The following NPHP1 variants were observed in gnomAD, a reference collection of about 807,000 sequenced individuals.
NPHP1 encodes nephrocystin 1.
Under a neutral mutation model 90.4 loss-of-function variants are expected in NPHP1, and 70 were observed. That is an observed-to-expected ratio of 0.77 (90% CI 0.64 to 0.95). The LOEUF (loss-of-function observed/expected upper bound fraction) is 0.95, where lower values mean the gene tolerates loss of function less well. NPHP1 is among the 40% of genes least tolerant of loss of function. The pLI, the probability that NPHP1 is intolerant of heterozygous loss-of-function variation, is 0.00. For synonymous variants in NPHP1, 256 were observed against 271.7 expected (o/e 0.94, Z 0.57); for missense variants, 764 against 795.9 (o/e 0.96, Z 0.48).
At chr2:110,176,745 C>G (rs1021859802) in intron 4 of NPHP1, among the ~76,000 whole-genome samples, 1 of 152,166 alleles carries the variant, frequency 6.6e-6, no homozygotes, top group Non-Finnish European at 1.5e-5. Flanking sequence ...CCTGGGCCTT[C>G]TGTGTCCTCT....
intron 15 of NPHP1, chr2:110,144,193 G>A (rs1462722646): frequency 4.9e-6 from 2 of 405,306 alleles, no homozygotes; most frequent in East Asian, 1.0e-4. Flanking sequence ...TGCATCCTTT[G>A]ACCCAGCAAT....
chr2:110,152,332 T>C (rs1681537339), intron 11 of NPHP1, among the ~76,000 whole-genome samples: 2 of 151,880 alleles, frequency 1.3e-5, no homozygotes, highest in Non-Finnish European at 2.9e-5. Context: ...TCAACCAGTT[T>C]ATGCTTCAAC....
chr2:110,135,334 G>A (rs761555615), intron 16 of NPHP1, among the ~76,000 whole-genome samples: 9 of 151,290 alleles, frequency 5.9e-5, no homozygotes, highest in Middle Eastern at 3.4e-3. Flanking sequence ...AAAATTAGCT[G>A]GGCGTGTTGG....
At chr2:110,132,849 T>C (rs1162446316) in intron 16 of NPHP1, among the ~76,000 whole-genome samples, 1 of 152,176 alleles carries the variant, frequency 6.6e-6, no homozygotes, top group Non-Finnish European at 1.5e-5. Context: ...TAGATTGTTA[T>C]AACTTTAGGA....
chr2:110,124,266 C>G (rs1679197359), intron 19 of NPHP1: 2 of 643,250 alleles, frequency 3.1e-6, no homozygotes, highest in Admixed American at 4.7e-5. Flanking sequence ...TACAGTGGAG[C>G]AGTTCTCCCT....
chr2:110,188,585 C>T (rs1383390147), intron 2 of NPHP1, among the ~76,000 whole-genome samples: 1 of 152,042 alleles, frequency 6.6e-6, no homozygotes, highest in African/African-American at 2.4e-5. Flanking sequence ...GACATACTGC[C>T]CCAAATAATG....
chr2:110,194,798 GC>G (rs1391651034), intron 2 of NPHP1, among the ~76,000 whole-genome samples: 1 of 152,100 alleles, frequency 6.6e-6, no homozygotes, highest in Non-Finnish European at 1.5e-5. Flanking sequence ...ACATCAAAAA[GC>G]CTATCCACCA....
At chr2:110,147,141 A>G (rs372133967) in intron 13 of NPHP1, among the ~76,000 whole-genome samples, 6 of 152,252 alleles carry the variant, frequency 3.9e-5, no homozygotes, top group African/African-American at 1.4e-4. Context: ...ATCTCAAATC[A>G]TATCAGTACT....
At chr2:110,147,501 T>C (rs192874515) in intron 13 of NPHP1, among the ~76,000 whole-genome samples, 6 of 152,276 alleles carry the variant, frequency 3.9e-5, no homozygotes, top group East Asian at 1.9e-4. Context: ...GTAGTTTATA[T>C]GACATAAGTT....
intron 1 of NPHP1, among the ~76,000 whole-genome samples, chr2:110,204,408 G>C (rs923079013): frequency 6.6e-6 from 1 of 152,090 alleles, no homozygotes; most frequent in Non-Finnish European, 1.5e-5. Context: ...AGATCTTAAT[G>C]TTCTTGCATA....
At chr2:110,147,276 G>A (rs1455861350) in intron 13 of NPHP1, among the ~76,000 whole-genome samples, 2 of 151,848 alleles carry the variant, frequency 1.3e-5, no homozygotes, top group African/African-American at 2.4e-5. Context: ...CTTCCTTTGG[G>A]GGGCCTGCTC....
At chr2:110,160,372 C>T (rs1682222256) in intron 10 of NPHP1, 117 bp from the exon 11 acceptor site, 1 of 727,090 alleles carries the variant, frequency 1.4e-6, no homozygotes, top group East Asian at 2.7e-5. Flanking sequence ...AAAAAATTTA[C>T]ACATATACAA....
chr2:110,197,854 A>C (rs1040218471), intron 2 of NPHP1, among the ~76,000 whole-genome samples: 7 of 152,164 alleles, frequency 4.6e-5, no homozygotes, highest in Non-Finnish European at 1.0e-4. Flanking sequence ...ATTTCGCTTA[A>C]AGCCCAGAGT....
intron 6 of NPHP1, among the ~76,000 whole-genome samples, chr2:110,167,943 G>T (rs1306545843): frequency 1.3e-5 from 2 of 152,128 alleles, no homozygotes; most frequent in African/African-American, 4.8e-5. Context: ...ATCTCAGTGT[G>T]GCTACTGAAA....
intron 11 of NPHP1, among the ~76,000 whole-genome samples, chr2:110,156,514 C>G (rs1399765350): frequency 6.6e-6 from 1 of 151,752 alleles, no homozygotes; most frequent in African/African-American, 2.4e-5. Context: ...AGAAAAGAGA[C>G]AAACAAAAAA....
intron 13 of NPHP1, among the ~76,000 whole-genome samples, chr2:110,147,466 G>T (rs1255779886): frequency 1.3e-5 from 2 of 152,004 alleles, no homozygotes; most frequent in Non-Finnish European, 2.9e-5. Context: ...TTAATTACTA[G>T]CACAGAGCCC....
chr2:110,165,868 A>T (rs757920306), intron 6 of NPHP1, among the ~76,000 whole-genome samples: 9 of 152,184 alleles, frequency 5.9e-5, no homozygotes, highest in Non-Finnish European at 1.2e-4. Flanking sequence ...AAATACCCTG[A>T]CTTGATTATT....
rs1553498458 is a variant in NPHP1, at chr2:110,203,804, G to GA, written c.69+1095_69+1096insT. On this transcript the variant is annotated intron_variant, in intron 1 of 19. Transcript: ENST00000445609. ...TAAGAACTCAGTGTATTTTTAAAAA[G>GA]TTTTTTTTTTTTTGAGACCAAGTCT... 3.3e-3 allele frequency among the ~76,000 whole-genome samples: 482 copies of GA among 144,264 alleles called. 5 individuals carry two copies. The highest frequency in any genetic ancestry group is 7.3e-3 in the Admixed American group (105 of 14,430). The allele number at this position is 144,264 out of a possible 152,430, so 94.6% of individuals were successfully genotyped here. A position where few individuals can be genotyped will look rare whatever the true frequency, so the allele number is the denominator to read the frequency against.
At chr2:110,202,424 C>A (rs569955904) in intron 1 of NPHP1, 82 of 454,692 alleles carry the variant, frequency 1.8e-4, no homozygotes, top group African/African-American at 1.4e-3. Flanking sequence ...CTGTTGATTA[C>A]TTGTCCTACA....
Sources: allele counts gnomAD v4.1 joint callset (sites outside exome capture counted in the v4.1 genomes callset), GRCh38; gene constraint gnomAD v4.1.1; transcripts MANE v1.5; gene names NCBI Gene and HGNC (gene_info 2026-07-23, HGNC 2026-07-21).